Variants in NRIP1 observed in about 807,000 individuals in gnomAD.
The protein encoded by NRIP1 is nuclear receptor interacting protein 1, also known as nuclear receptor-interacting protein 1.
NRIP1 carries 28 observed loss-of-function variants against 75.0 expected under a neutral mutation model. The observed-to-expected ratio is 0.37, with a 90% CI of 0.28 to 0.51. The LOEUF is 0.51. Ranked by LOEUF, NRIP1 falls within the 20% of genes least tolerant of loss-of-function variation. NRIP1 has a pLI of 0.92. For synonymous variants in NRIP1, 526 were observed against 487.6 expected (o/e 1.08, Z -1.04); for missense variants, 1,435 against 1,343.7 (o/e 1.07, Z -1.06).
At chr21:15,004,291 G>A (rs1404981495) in intron 3 of NRIP1, among the ~76,000 whole-genome samples, 2 of 152,122 alleles carry the variant, frequency 1.3e-5, no homozygotes, top group Non-Finnish European at 2.9e-5. Flanking sequence ...AAGCAACTGG[G>A]TATAAATTCT....
intron 2 of NRIP1, among the ~76,000 whole-genome samples, chr21:15,036,698 C>G (rs1037677160): frequency 1.3e-5 from 2 of 152,006 alleles, no homozygotes; most frequent in African/African-American, 4.8e-5. Context: ...GTCACTATCC[C>G]CAATTCAGTC....
In NRIP1 at chr21:15,031,643, G is replaced by A. The variant is rs567323491; in HGVS notation, c.-458+11852C>T. Among the ~76,000 whole-genome samples, 90 of 75,034 alleles carry A rather than the reference G, an allele frequency of 1.2e-3. 7 individuals are homozygous for A. The highest frequency in any genetic ancestry group is 1.8e-3 in the Non-Finnish European group (77 of 43,618). 49.2% of individuals were successfully genotyped at this position (75,034 alleles called of 152,430 possible). ...TGTGTATACACTCTGGAAGGCGCTC[G>A]GAGGATCACTACATTCCCTTTCTAT... On this transcript the variant is annotated intron_variant, in intron 2 of 3. Transcript: ENST00000318948.
At chr21:15,001,244 A>G (rs2087842097) in intron 3 of NRIP1, among the ~76,000 whole-genome samples, 1 of 152,174 alleles carries the variant, frequency 6.6e-6, no homozygotes, top group Admixed American at 6.5e-5. Flanking sequence ...TCTCTCCTAA[A>G]TCAAGTGTTC....
chr21:15,011,122 T>C lies in NRIP1; in HGVS notation c.-335+3222A>G, dbSNP rs1341741877. ...AAATATGACTTTGAGGAGTGTTTTA[T>C]GAAGTTGGACAGGCATTCCATGTAT... On this transcript the variant is annotated intron_variant, in intron 3 of 3. Coordinates refer to ENST00000318948, the MANE Select transcript of NRIP1 (RefSeq NM_003489.4). 2.6e-5 allele frequency among the ~76,000 whole-genome samples: 4 copies of C among 152,372 alleles called. No individual in the cohort carries two copies. In the East Asian group the frequency reaches 7.7e-4, roughly 29 times the overall value.
At chr21:14,998,054 C>T (rs1022361585) in intron 3 of NRIP1, among the ~76,000 whole-genome samples, 1 of 152,166 alleles carries the variant, frequency 6.6e-6, no homozygotes. Flanking sequence ...AACCACACTG[C>T]TACTGTCTAG....
At chr21:15,017,501 C>A (rs944628993) in intron 2 of NRIP1, among the ~76,000 whole-genome samples, 3 of 152,110 alleles carry the variant, frequency 2.0e-5, no homozygotes, top group Non-Finnish European at 2.9e-5. Flanking sequence ...ATTACTATGT[C>A]TCAAACATAA....
chr21:15,063,136 A>G (rs1978470794), intron 1 of NRIP1, among the ~76,000 whole-genome samples: 1 of 152,186 alleles, frequency 6.6e-6, no homozygotes, highest in Non-Finnish European at 1.5e-5. Context: ...AGAACAACCA[A>G]TCCTACAACC....
In NRIP1 at chr21:14,965,056, A is replaced by G; in HGVS notation, c.3137T>C (p.Ile1046Thr). Reference protein sequence around the residue: ...PSEKGPIKWVITDAEKNEYEK... With the variant: ...PSEKGPIKWVTTDAEKNEYEK... Reference sequence around the variant, plus strand: ...ATACTCATTCTTCTCCGCATCAGTGATAACCCACTTAATGGGTCCTTTCTC... The same window carrying G: ...ATACTCATTCTTCTCCGCATCAGTGGTAACCCACTTAATGGGTCCTTTCTC... The change falls in exon 4 of 4, where the codon ATC (isoleucine) becomes ACC (threonine). Residue 1046 changes from isoleucine to threonine, a missense_variant. By Grantham distance (89) the Ile-to-Thr change is moderately conservative. Coordinates refer to ENST00000318948, the MANE Select transcript of NRIP1 (RefSeq NM_003489.4). 6.2e-7 allele frequency: 1 copy of G among 1,613,920 alleles called. No individual in the cohort carries two copies. The highest frequency in any genetic ancestry group is 8.5e-7 in the Non-Finnish European group (1 of 1,179,930).
chr21:15,000,280 G>A (rs1049678051), intron 3 of NRIP1, among the ~76,000 whole-genome samples: 4 of 152,132 alleles, frequency 2.6e-5, no homozygotes, highest in African/African-American at 9.7e-5. Context: ...AAATAGCCAA[G>A]AGAGAAGAAA....
intron 2 of NRIP1, among the ~76,000 whole-genome samples, chr21:15,025,703 T>C (rs900150940): frequency 2.0e-5 from 3 of 151,968 alleles, no homozygotes; most frequent in African/African-American, 7.3e-5. Flanking sequence ...CCGCAGAGGA[T>C]GCAAAGAGAA....
At chr21:14,976,190 T>C (rs1057478500) in intron 3 of NRIP1, among the ~76,000 whole-genome samples, 10 of 152,154 alleles carry the variant, frequency 6.6e-5, no homozygotes, top group African/African-American at 2.4e-4. Context: ...TTTATAAGCA[T>C]AAAAATCCTT....
chr21:14,963,439 C>T lies in NRIP1; in HGVS notation c.*1277G>A, dbSNP rs1847918143. 1 of 152,456 alleles carries T rather than the reference C, an allele frequency of 6.6e-6. No homozygotes were observed. The highest frequency in any genetic ancestry group is 6.6e-5 in the Admixed American group (1 of 15,226). 9.4% of individuals were successfully genotyped at this position (152,456 alleles called of 1,614,324 possible). On this transcript the variant is annotated 3_prime_UTR_variant, in exon 4 of 4. Coordinates refer to ENST00000318948, the MANE Select transcript of NRIP1 (RefSeq NM_003489.4). ...CCAGATATGAAAGTTATCCCCTCCA[C>T]CCAATTTTTGTCATAAAAAGTGTTC...
At chr21:15,028,069 T>C (rs1483532578) in intron 2 of NRIP1, among the ~76,000 whole-genome samples, 2 of 152,196 alleles carry the variant, frequency 1.3e-5, no homozygotes, top group Non-Finnish European at 2.9e-5. Flanking sequence ...ATGTGAATGA[T>C]ACTCTAAATC....
chr21:15,035,938 C>A (rs2088823857), intron 2 of NRIP1, among the ~76,000 whole-genome samples: 1 of 152,130 alleles, frequency 6.6e-6, no homozygotes, highest in South Asian at 2.1e-4. Flanking sequence ...TTAACGATTT[C>A]TTATTTTCTG....
intron 3 of NRIP1, among the ~76,000 whole-genome samples, chr21:14,997,092 A>T (rs1220850718): frequency 6.6e-6 from 1 of 152,126 alleles, no homozygotes; most frequent in Non-Finnish European, 1.5e-5. Context: ...CGGCATTCAG[A>T]CTTTTAAAGT....
chr21:14,980,823 T>G (rs551847846), intron 3 of NRIP1, among the ~76,000 whole-genome samples: 2 of 152,286 alleles, frequency 1.3e-5, no homozygotes, highest in South Asian at 4.1e-4. Context: ...ATTAAATACC[T>G]TTGCATGAAA....
At chr21:15,031,427 A>G (rs1568994217) in intron 2 of NRIP1, among the ~76,000 whole-genome samples, 1 of 125,024 alleles carries the variant, frequency 8.0e-6, no homozygotes, top group Non-Finnish European at 1.7e-5. Flanking sequence ...ATGTGTATAC[A>G]CTCTGGAAGG....
At chr21:14,976,432 G>C (rs1396143275) in intron 3 of NRIP1, among the ~76,000 whole-genome samples, 2 of 151,998 alleles carry the variant, frequency 1.3e-5, no homozygotes, top group Non-Finnish European at 2.9e-5. Flanking sequence ...ATTTTAAAAA[G>C]AGCTACATTT....
chr21:15,034,198 ATGT>A (rs1350811434), intron 2 of NRIP1, among the ~76,000 whole-genome samples: 1 of 152,204 alleles, frequency 6.6e-6, no homozygotes, highest in Non-Finnish European at 1.5e-5. Context: ...AGCTGAGGAA[ATGT>A]TGGTACTTTA....
Sources: allele counts gnomAD v4.1 joint callset (sites outside exome capture counted in the v4.1 genomes callset), GRCh38; gene constraint gnomAD v4.1.1; transcripts MANE v1.5; gene names NCBI Gene and HGNC (gene_info 2026-07-23, HGNC 2026-07-21).